SPOCK1: variants seen among roughly 807,000 people sequenced by gnomAD.
SPOCK1 encodes testican-1.
In SPOCK1, 23 loss-of-function variants were observed where a neutral mutation model predicts 55.3. The observed-to-expected ratio is 0.42, with a 90% CI of 0.30 to 0.59. The LOEUF is 0.59. Among genes scored for constraint, SPOCK1 ranks in the 20% least tolerant of loss-of-function variants. The pLI is 0.22. For missense variants in SPOCK1, 499 were observed against 552.5 expected (o/e 0.90, Z 0.97); for synonymous variants, 226 against 221.0 (o/e 1.02, Z -0.20).
At chr5:137,441,931 C>T (rs1249795597) in intron 2 of SPOCK1, among the ~76,000 whole-genome samples, 1 of 152,158 alleles carries the variant, frequency 6.6e-6, no homozygotes, top group Non-Finnish European at 1.5e-5. Flanking sequence ...ATGTCCCCTG[C>T]AAGAATAAAT....
At chr5:137,334,855 G>GC (rs2127153087) in intron 2 of SPOCK1, among the ~76,000 whole-genome samples, 1 of 127,032 alleles carries the variant, frequency 7.9e-6, no homozygotes, top group African/African-American at 4.1e-5. Flanking sequence ...ATGAAAACAG[G>GC]TGGTACTGAC....
intron 3 of SPOCK1, among the ~76,000 whole-genome samples, chr5:137,195,725 C>G (rs981563561): frequency 4.6e-5 from 7 of 152,216 alleles, no homozygotes; most frequent in Admixed American, 2.0e-4. Flanking sequence ...AGGCAGGTGA[C>G]TCAGCCCAGG....
intron 2 of SPOCK1, among the ~76,000 whole-genome samples, chr5:137,329,533 C>G (rs1291746219): frequency 2.0e-5 from 3 of 151,978 alleles, no homozygotes; most frequent in Non-Finnish European, 4.4e-5. Context: ...CATTTGGACA[C>G]TAAGCATGCA....
At chr5:137,001,277 GT>G (rs1475209582) in intron 6 of SPOCK1, among the ~76,000 whole-genome samples, 2 of 152,172 alleles carry the variant, frequency 1.3e-5, no homozygotes, top group African/African-American at 4.8e-5. Flanking sequence ...TCTGATTTGT[GT>G]TTGTGGACAC....
intron 6 of SPOCK1, among the ~76,000 whole-genome samples, chr5:137,044,650 T>TTTA (rs1752073951): frequency 1.3e-5 from 2 of 152,118 alleles, no homozygotes; most frequent in Non-Finnish European, 2.9e-5. Context: ...TTCTTTTTTT[T>TTTA]TTATTATTAT....
chr5:137,004,401 A>T (rs1580702983), intron 6 of SPOCK1, among the ~76,000 whole-genome samples: 1 of 152,234 alleles, frequency 6.6e-6, no homozygotes, highest in East Asian at 1.9e-4. Context: ...TCTTCAGGTC[A>T]TGCAAGTCTC....
At chr5:137,160,677 A>T (rs1242109184) in intron 3 of SPOCK1, among the ~76,000 whole-genome samples, 1 of 114,746 alleles carries the variant, frequency 8.7e-6, no homozygotes, top group East Asian at 2.2e-4. Flanking sequence ...AATATATAAT[A>T]TATGTTATAT....
intron 3 of SPOCK1, among the ~76,000 whole-genome samples, chr5:137,197,327 G>C (rs1755320487): frequency 6.6e-6 from 1 of 152,130 alleles, no homozygotes; most frequent in Non-Finnish European, 1.5e-5. Context: ...TGGGAGATGA[G>C]GGATGAGGGA....
intron 2 of SPOCK1, among the ~76,000 whole-genome samples, chr5:137,304,293 C>T (rs1757662671): frequency 6.6e-6 from 1 of 152,072 alleles, no homozygotes; most frequent in Admixed American, 6.5e-5. Flanking sequence ...CTGTTTATCT[C>T]TGCATTCCCA....
At chr5:137,420,078 G>C (rs1300858680) in intron 2 of SPOCK1, among the ~76,000 whole-genome samples, 2 of 152,174 alleles carry the variant, frequency 1.3e-5, no homozygotes, top group Admixed American at 1.3e-4. Flanking sequence ...TGTTGGTTCT[G>C]TTTATATGCT....
intron 2 of SPOCK1, among the ~76,000 whole-genome samples, chr5:137,313,948 C>T (rs147509537): frequency 8.2e-4 from 122 of 149,536 alleles, no homozygotes; most frequent in African/African-American, 3.0e-3. Flanking sequence ...CTGGCTAGAG[C>T]CTGCTTTTTG....
intron 2 of SPOCK1, among the ~76,000 whole-genome samples, chr5:137,293,709 G>A (rs1228227270): frequency 2.6e-5 from 4 of 152,112 alleles, no homozygotes; most frequent in South Asian, 2.1e-4. Context: ...GTAGGGCAGC[G>A]CCATCCAATA....
chr5:137,096,885 C>T (rs2127022689), intron 5 of SPOCK1, among the ~76,000 whole-genome samples: 1 of 152,310 alleles, frequency 6.6e-6, no homozygotes, highest in African/African-American at 2.4e-5. Flanking sequence ...GCTGTCTGGA[C>T]TCTATGAGTC....
chr5:137,356,302 G>A (rs1750792991), intron 2 of SPOCK1, among the ~76,000 whole-genome samples: 1 of 152,110 alleles, frequency 6.6e-6, no homozygotes, highest in African/African-American at 2.4e-5. Flanking sequence ...TTAAATCTGT[G>A]CTGCATAATG....
chr5:137,350,356 C>A (rs1257537228), intron 2 of SPOCK1, among the ~76,000 whole-genome samples: 2 of 152,152 alleles, frequency 1.3e-5, no homozygotes, highest in Non-Finnish European at 2.9e-5. Context: ...ACTAACTACC[C>A]CAAAATTTAG....
intron 2 of SPOCK1, among the ~76,000 whole-genome samples, chr5:137,463,332 A>G (rs1753529328): frequency 1.3e-5 from 2 of 152,244 alleles, no homozygotes; most frequent in Non-Finnish European, 2.9e-5. Flanking sequence ...CAGCCATACA[A>G]AAGAATGAGA....
chr5:137,033,216 A>C (rs1327427290), intron 6 of SPOCK1, among the ~76,000 whole-genome samples: 2 of 152,200 alleles, frequency 1.3e-5, no homozygotes, highest in Admixed American at 1.3e-4. Flanking sequence ...AGGAGACTGG[A>C]GTCCCGGTGT....
intron 2 of SPOCK1, among the ~76,000 whole-genome samples, chr5:137,322,818 A>G (rs1340827126): frequency 1.3e-5 from 2 of 152,236 alleles, no homozygotes; most frequent in African/African-American, 4.8e-5. Flanking sequence ...GAGACTGGAC[A>G]ATTTATAATA....
At chr5:137,006,023 G>T (rs1249593657) in intron 6 of SPOCK1, among the ~76,000 whole-genome samples, 1 of 152,160 alleles carries the variant, frequency 6.6e-6, no homozygotes, top group Non-Finnish European at 1.5e-5. Context: ...GTAGATGTGT[G>T]GTGTTATTTC....
Sources: allele counts gnomAD v4.1 joint callset (sites outside exome capture counted in the v4.1 genomes callset), GRCh38; gene constraint gnomAD v4.1.1; transcripts MANE v1.5; gene names NCBI Gene and HGNC (gene_info 2026-07-23, HGNC 2026-07-21).